The following PHTF2 variants were observed in gnomAD, a reference collection of about 807,000 sequenced individuals.
PHTF2 encodes the protein putative homeodomain transcription factor 2.
PHTF2 carries 60 observed loss-of-function variants against 101.2 expected under a neutral mutation model. That is an observed-to-expected ratio of 0.59 (90% confidence interval 0.48 to 0.73). The LOEUF (loss-of-function observed/expected upper bound fraction) is 0.73. Among genes scored for constraint, PHTF2 ranks in the 30% least tolerant of loss-of-function variants. The probability of loss-of-function intolerance (pLI) is 0.00; values close to 1 mark genes in which losing one functional copy is unlikely to be tolerated. For synonymous variants in PHTF2, 311 were observed against 307.3 expected (o/e 1.01, Z -0.13); for missense variants, 747 against 908.7 (o/e 0.82, Z 2.29).
chr7:77,817,837 C>T lies in PHTF2; in HGVS notation c.-36+18866C>T, dbSNP rs376191113. Reference sequence around the variant, plus strand: ...AAAAGTTTGAGTTCCGGGCCGGGTGCGGTGGCTCATGCCTGTAATCCCAGC... The same window carrying T: ...AAAAGTTTGAGTTCCGGGCCGGGTGTGGTGGCTCATGCCTGTAATCCCAGC... On this transcript the variant is annotated intron_variant, in intron 1 of 19. Transcript: ENST00000416283. Among the ~76,000 whole-genome samples, 17 of 152,096 alleles carry T rather than the reference C, an allele frequency of 1.1e-4. No individual in the cohort carries two copies. The East Asian group carries it at 2.3e-3, about 21-fold the overall frequency.
At chr7:77,893,631 A>C in exon 4 of PHTF2, 1 of 1,440,118 alleles carries the variant, frequency 6.9e-7, no homozygotes, top group Non-Finnish European at 9.7e-7. Context: ...ATCAACAAAT[A>C]TGGGAAAAAT....
chr7:77,815,142 A>G (rs2150500363), intron 1 of PHTF2, among the ~76,000 whole-genome samples: 1 of 152,280 alleles, frequency 6.6e-6, no homozygotes, highest in East Asian at 1.9e-4. Flanking sequence ...ACAGGACACT[A>G]CACCACAAAA....
At chr7:77,936,605 C>T (rs1018125297) in intron 12 of PHTF2, among the ~76,000 whole-genome samples, 1 of 151,620 alleles carries the variant, frequency 6.6e-6, no homozygotes, top group Non-Finnish European at 1.5e-5. Context: ...ACCTGGGAGG[C>T]GGAGGTTGCA....
intron 11 of PHTF2, chr7:77,924,255 A>G (rs184602910): frequency 2.3e-5 from 10 of 434,364 alleles, no homozygotes; most frequent in East Asian, 3.1e-4. Flanking sequence ...ACTCTCTCCA[A>G]TTGCTAGTAA....
At chr7:77,921,533 T>C (rs1803458987) in intron 10 of PHTF2, among the ~76,000 whole-genome samples, 1 of 152,214 alleles carries the variant, frequency 6.6e-6, no homozygotes, top group Admixed American at 6.5e-5. Context: ...ATGTTACTAC[T>C]TGAACGTTCA....
chr7:77,827,376 A>G (rs1363652781), intron 1 of PHTF2, among the ~76,000 whole-genome samples: 1 of 152,066 alleles, frequency 6.6e-6, no homozygotes, highest in Non-Finnish European at 1.5e-5. Context: ...TCTTTTTGAG[A>G]CGGAGTCTCA....
In PHTF2 at chr7:77,840,312, G is replaced by C; in HGVS notation, c.45+12G>C. On this transcript the variant is annotated intron_variant, in intron 2 of 19. Transcript: ENST00000416283. Reference sequence around the variant, plus strand: ...GGTATCAAAAGAAGGTAAGTTGATAGTCAAAACTTTTAGCTTTCTAAATGT... The same window carrying C: ...GGTATCAAAAGAAGGTAAGTTGATACTCAAAACTTTTAGCTTTCTAAATGT... 1 of 1,569,870 alleles carries C rather than the reference G, an allele frequency of 6.4e-7. No individual in the cohort carries two copies. The highest frequency in any genetic ancestry group is 8.8e-7 in the Non-Finnish European group (1 of 1,141,104).
intron 1 of PHTF2, among the ~76,000 whole-genome samples, chr7:77,832,805 A>G (rs972114880): frequency 6.6e-6 from 1 of 151,920 alleles, no homozygotes; most frequent in Non-Finnish European, 1.5e-5. Context: ...TTATTTCATT[A>G]TATATTATAA....
chr7:77,954,645 T>G (rs890347020), intron 19 of PHTF2, among the ~76,000 whole-genome samples: 1 of 143,908 alleles, frequency 6.9e-6, no homozygotes, highest in Non-Finnish European at 1.5e-5. Flanking sequence ...TATATATATA[T>G]AGCCACTTCT....
intron 3 of PHTF2, among the ~76,000 whole-genome samples, chr7:77,885,170 C>A (rs539909682): frequency 6.6e-6 from 1 of 151,978 alleles, no homozygotes; most frequent in Non-Finnish European, 1.5e-5. Context: ...CATAGCTTAC[C>A]GTAGCCTCGA....
chr7:77,828,162 T>C (rs569546618), intron 1 of PHTF2, among the ~76,000 whole-genome samples: 72 of 152,208 alleles, frequency 4.7e-4, no homozygotes, highest in Non-Finnish European at 8.8e-4. Flanking sequence ...GAATTGAGCC[T>C]GATAGGTTGG....
chr7:77,811,694 T>G (rs778376138), intron 1 of PHTF2, among the ~76,000 whole-genome samples: 5 of 152,232 alleles, frequency 3.3e-5, no homozygotes, highest in Non-Finnish European at 7.3e-5. Flanking sequence ...TCCAACAAGA[T>G]ATTCCATAAT....
At chr7:77,898,779 CTTTA>C (rs199645271) in intron 5 of PHTF2, among the ~76,000 whole-genome samples, 3,145 of 151,950 alleles carry the variant, frequency 0.021, 86 homozygotes, top group African/African-American at 0.071. Context: ...CAGAGGTTAT[CTTTA>C]TTTATTTATT....
intron 3 of PHTF2, among the ~76,000 whole-genome samples, chr7:77,881,663 A>C (rs1407683825): frequency 6.6e-6 from 1 of 151,972 alleles, no homozygotes; most frequent in Non-Finnish European, 1.5e-5. Context: ...GAGCCACTGC[A>C]CCCAGCCAAA....
chr7:77,820,030 C>G (rs1794153837), intron 1 of PHTF2, among the ~76,000 whole-genome samples: 1 of 152,168 alleles, frequency 6.6e-6, no homozygotes, highest in Non-Finnish European at 1.5e-5. Context: ...GCTGGAATTA[C>G]AGGCATGCAC....
At chr7:77,923,338 C>T (rs1344895656) in intron 11 of PHTF2, 1 of 954,784 alleles carries the variant, frequency 1.0e-6, no homozygotes, top group Non-Finnish European at 1.2e-6. Flanking sequence ...AAGGGTAGAA[C>T]ATTTGGCTTT....
chr7:77,923,410 G>A (rs993314090), intron 11 of PHTF2: 4 of 982,544 alleles, frequency 4.1e-6, no homozygotes, highest in Admixed American at 1.2e-4. Context: ...CTCTTTTTGA[G>A]CTATGTTAGT....
chr7:77,931,603 T>C (rs969910707), intron 12 of PHTF2, among the ~76,000 whole-genome samples: 1 of 152,212 alleles, frequency 6.6e-6, no homozygotes, highest in Non-Finnish European at 1.5e-5. Flanking sequence ...AAGAGAGAAC[T>C]CTTTAATACT....
chr7:77,841,386 A>T (rs886876155), intron 2 of PHTF2, among the ~76,000 whole-genome samples: 6 of 152,062 alleles, frequency 3.9e-5, no homozygotes, highest in African/African-American at 4.8e-5. Flanking sequence ...AGCCAAACAG[A>T]TGATTTTTAA....
Sources: allele counts gnomAD v4.1 joint callset (sites outside exome capture counted in the v4.1 genomes callset), GRCh38; gene constraint gnomAD v4.1.1; transcripts MANE v1.5; gene names NCBI Gene and HGNC (gene_info 2026-07-23, HGNC 2026-07-21).